PTPRM: variants seen among roughly 807,000 people sequenced by gnomAD.
PTPRM encodes the protein receptor-type tyrosine-protein phosphatase mu.
Under a neutral mutation model 186.7 loss-of-function variants are expected in PTPRM, and 47 were observed. That is an observed-to-expected ratio of 0.25 (90% confidence interval 0.20 to 0.32). PTPRM has a LOEUF of 0.32. Among genes scored for constraint, PTPRM ranks in the 10% least tolerant of loss-of-function variants. PTPRM has a pLI of 1.00. For missense variants in PTPRM, 1,494 were observed against 1,865.0 expected, an observed-to-expected ratio of 0.80 and a Z score of 3.66; for synonymous variants, 668 against 674.9, an observed-to-expected ratio of 0.99 and a Z score of 0.16.
chr18:7,602,760 A>G (rs796771736), intron 1 of PTPRM, among the ~76,000 whole-genome samples: 27 of 151,064 alleles, frequency 1.8e-4, no homozygotes, highest in African/African-American at 6.3e-4. Flanking sequence ...GAACCTTAAA[A>G]ATAAAAGTGT....
At chr18:7,972,450 T>C (rs1445619670) in intron 7 of PTPRM, among the ~76,000 whole-genome samples, 13 of 33,162 alleles carry the variant, frequency 3.9e-4, no homozygotes, top group Non-Finnish European at 6.9e-4. Context: ...ACCCTAAAAC[T>C]TAAAGTATAA....
At chr18:8,290,195 G>A (rs987859113) in intron 19 of PTPRM, among the ~76,000 whole-genome samples, 1 of 152,190 alleles carries the variant, frequency 6.6e-6, no homozygotes, top group Non-Finnish European at 1.5e-5. Flanking sequence ...GCATGCCCCA[G>A]TGAGTTCATC....
chr18:8,340,340 A>G (rs1236582912), intron 22 of PTPRM, among the ~76,000 whole-genome samples: 1 of 152,184 alleles, frequency 6.6e-6, no homozygotes, highest in African/African-American at 2.4e-5. Flanking sequence ...CTGGATCCAC[A>G]TATCTAATTT....
rs1230511653 is a variant in PTPRM, at chr18:8,332,585, C to T, written c.2957-10838C>T. ...TAAGCATCAACATGTGGGTTGTGTG[C>T]GCTGGAGAAAAGGCTAATCGTGGAT... On this transcript the variant is annotated intron_variant, in intron 22 of 32. Transcript: ENST00000580170. Among the ~76,000 whole-genome samples, 8 of 152,054 alleles carry T rather than the reference C, an allele frequency of 5.3e-5. No individual in the cohort carries two copies. The East Asian group carries it at 1.5e-3, about 29-fold the overall frequency.
chr18:7,876,137 T>C (rs2048231290), intron 2 of PTPRM, among the ~76,000 whole-genome samples: 2 of 145,972 alleles, frequency 1.4e-5, no homozygotes, highest in Non-Finnish European at 3.0e-5. Context: ...TGTGTGTGTG[T>C]GCATGTGTGT....
chr18:7,811,419 G>A (rs2044509412), intron 2 of PTPRM, among the ~76,000 whole-genome samples: 1 of 152,218 alleles, frequency 6.6e-6, no homozygotes, highest in African/African-American at 2.4e-5. Context: ...GCTCAGTGGT[G>A]CAATCATAGC....
intron 1 of PTPRM, among the ~76,000 whole-genome samples, chr18:7,646,263 T>C (rs1406890463): frequency 2.6e-5 from 4 of 152,178 alleles, no homozygotes; most frequent in African/African-American, 9.6e-5. Flanking sequence ...CTGGGATCTT[T>C]GTTAGCATGG....
intron 1 of PTPRM, among the ~76,000 whole-genome samples, chr18:7,621,303 C>T (rs1161292347): frequency 6.6e-6 from 1 of 152,156 alleles, no homozygotes; most frequent in East Asian, 1.9e-4. Flanking sequence ...TAAATTAAGA[C>T]TAAAAGAGTA....
At chr18:8,161,711 G>C (rs1037616148) in intron 14 of PTPRM, among the ~76,000 whole-genome samples, 3 of 152,170 alleles carry the variant, frequency 2.0e-5, no homozygotes, top group Non-Finnish European at 4.4e-5. Flanking sequence ...GGCTACACAT[G>C]TTGTCTTATA....
At chr18:7,810,067 G>A (rs111534553) in intron 2 of PTPRM, among the ~76,000 whole-genome samples, 1,529 of 152,254 alleles carry the variant, frequency 0.01, 21 homozygotes, top group African/African-American at 0.035. Context: ...AGGTGGGGTT[G>A]GGGGAGAGGC....
At chr18:7,724,473 G>A (rs551927706) in intron 1 of PTPRM, among the ~76,000 whole-genome samples, 18 of 152,186 alleles carry the variant, frequency 1.2e-4, no homozygotes, top group African/African-American at 1.7e-4. Flanking sequence ...AAAAGAAGGC[G>A]GATTCATTTA....
intron 2 of PTPRM, among the ~76,000 whole-genome samples, chr18:7,857,355 C>G (rs2047146198): frequency 6.6e-6 from 1 of 152,104 alleles, no homozygotes; most frequent in Non-Finnish European, 1.5e-5. Flanking sequence ...AAATATGTAG[C>G]CTGCAGGCTG....
chr18:8,289,527 T>C lies in PTPRM; in HGVS notation c.2755-6841T>C, dbSNP rs370798872. On this transcript the variant is annotated intron_variant, in intron 19 of 32. Coordinates refer to ENST00000580170, the MANE Select transcript of PTPRM (RefSeq NM_001105244.2). ...ATGTGTGTGTATGTATATATATACA[T>C]ATATATACACATATATATATATACA... 1.8e-3 allele frequency among the ~76,000 whole-genome samples: 129 copies of C among 73,008 alleles called. 5 individuals carry two copies. Among genetic ancestry groups the C allele is most frequent in the South Asian group, 2.5e-3 (6 of 2,438 alleles). 47.9% of individuals were successfully genotyped at this position (73,008 alleles called of 152,430 possible). A position where few individuals can be genotyped will look rare whatever the true frequency, so the allele number is the denominator to read the frequency against.
chr18:7,739,005 T>C (rs558745808), intron 1 of PTPRM, among the ~76,000 whole-genome samples: 4 of 151,786 alleles, frequency 2.6e-5, no homozygotes, highest in African/African-American at 9.7e-5. Flanking sequence ...CTTTGGAGCT[T>C]CTTCTTGGTC....
intron 1 of PTPRM, among the ~76,000 whole-genome samples, chr18:7,631,158 T>A (rs1163191313): frequency 6.6e-6 from 1 of 152,338 alleles, no homozygotes; most frequent in Non-Finnish European, 1.5e-5. Flanking sequence ...GTCATGAGAT[T>A]ACAAAGTAAT....
intron 14 of PTPRM, among the ~76,000 whole-genome samples, chr18:8,176,298 C>A (rs570366276): frequency 6.6e-6 from 1 of 152,128 alleles, no homozygotes; most frequent in Non-Finnish European, 1.5e-5. Context: ...TAATCTCTAT[C>A]TACTGCAATC....
At chr18:8,346,886 C>T (rs2095508259) in intron 23 of PTPRM, among the ~76,000 whole-genome samples, 1 of 152,266 alleles carries the variant, frequency 6.6e-6, no homozygotes, top group Admixed American at 6.5e-5. Flanking sequence ...CCTCTCCCTC[C>T]AGGCCCAGGG....
At chr18:8,220,086 G>A (rs1372727548) in intron 14 of PTPRM, among the ~76,000 whole-genome samples, 1 of 152,078 alleles carries the variant, frequency 6.6e-6, no homozygotes, top group Non-Finnish European at 1.5e-5. Flanking sequence ...GGGAGCTTAG[G>A]ATTTTCTTTT....
intron 7 of PTPRM, among the ~76,000 whole-genome samples, chr18:8,027,635 A>C (rs1409047153): frequency 6.6e-6 from 1 of 152,204 alleles, no homozygotes; most frequent in Admixed American, 6.5e-5. Flanking sequence ...CAAAATAACA[A>C]ACCAACATAG....
Sources: gnomAD v4.1 joint callset for allele counts (sites outside exome capture counted in the v4.1 genomes callset) on GRCh38, gnomAD v4.1.1 for gene constraint, MANE v1.5 for transcripts, NCBI Gene and HGNC (gene_info 2026-07-23, HGNC 2026-07-21) for gene names.